Variants in ADAT1 observed in about 807,000 individuals in gnomAD.
ADAT1 encodes the protein adenosine deaminase tRNA specific 1, also known as tRNA-specific adenosine deaminase 1.
ADAT1 carries 58 observed loss-of-function variants against 58.6 expected under a neutral mutation model. That is an observed-to-expected ratio of 0.99 (90% CI 0.80 to 1.23). The LOEUF (loss-of-function observed/expected upper bound fraction) is 1.23, where lower values mean the gene tolerates loss of function less well. Among genes scored for constraint, ADAT1 ranks in the 50% most tolerant of loss-of-function variants. ADAT1 has a pLI of 0.00. For missense variants in ADAT1, 741 were observed against 608.6 expected, an observed-to-expected ratio of 1.22 and a Z score of -2.29; for synonymous variants, 254 against 220.8, an observed-to-expected ratio of 1.15 and a Z score of -1.33.
chr16:75,613,013 A>C, intron 5 of ADAT1, 152 bp from the exon 6 acceptor site: 1 of 966,942 alleles, frequency 1.0e-6, no homozygotes, highest in Non-Finnish European at 1.5e-6. Flanking sequence ...AGAGCCCAGC[A>C]GTGTGTTTTT....
intron 6 of ADAT1, among the ~76,000 whole-genome samples, chr16:75,611,624 C>A (rs1006674707): frequency 6.6e-6 from 1 of 151,992 alleles, no homozygotes; most frequent in Admixed American, 6.6e-5. Context: ...TCAAGCAATC[C>A]GCCCCCCTCG....
intron 9 of ADAT1, among the ~76,000 whole-genome samples, chr16:75,601,100 G>C (rs761611254): frequency 2.0e-5 from 3 of 152,150 alleles, no homozygotes; most frequent in African/African-American, 7.2e-5. Context: ...CAGCACTTTG[G>C]GAGGCCGAAG....
Position 75,615,620 on chromosome 16 carries a change from G to C in ADAT1, c.424+1522C>G, listed in dbSNP as rs34322737. 2.0e-5 allele frequency among the ~76,000 whole-genome samples: 3 copies of C among 150,998 alleles called. No individual in the cohort carries two copies. In the South Asian group the frequency reaches 6.3e-4, roughly 32 times the overall value. On this transcript the variant is annotated intron_variant, in intron 5 of 9. Coordinates refer to ENST00000564657, the MANE Select transcript of ADAT1 (RefSeq NM_001324445.2). ...ATGTAGCCAGGCAGGCCGTGGGTTA[G>C]ACAAGTTTGGATTAGGCCATCAGGC... is the stretch of plus-strand genomic sequence containing the variant.
intron 8 of ADAT1, 81 bp from the exon 9 acceptor site, chr16:75,603,252 G>A (rs915963082): frequency 5.4e-6 from 7 of 1,297,428 alleles, no homozygotes; most frequent in Non-Finnish European, 7.7e-6. Context: ...CAGGCTTCAT[G>A]TGGTTTTTAG....
intron 3 of ADAT1, among the ~76,000 whole-genome samples, chr16:75,619,947 G>A (rs962376754): frequency 4.7e-5 from 7 of 149,054 alleles, no homozygotes; most frequent in Admixed American, 1.3e-4. Flanking sequence ...AGCCACTCAA[G>A]CTGCATCCTC....
intron 1 of ADAT1, among the ~76,000 whole-genome samples, chr16:75,622,072 C>T (rs544119872): frequency 8.5e-5 from 13 of 152,168 alleles, no homozygotes; most frequent in Non-Finnish European, 1.8e-4. Flanking sequence ...ATCGCTTGAA[C>T]CCGGGAGGCG....
Position 75,617,286 on chromosome 16 carries a change from G to T in ADAT1, c.294-14C>A. Reference sequence around the variant, plus strand: ...TGGAGAAGGTACCTAAGGGTTGCAAGATGTTATTAGGATGAACAACCGATC... The same window carrying T: ...TGGAGAAGGTACCTAAGGGTTGCAATATGTTATTAGGATGAACAACCGATC... On this transcript the variant is annotated splice_polypyrimidine_tract_variant and intron_variant, in intron 4 of 9. Transcript: ENST00000564657. 1.2e-6 allele frequency: 2 copies of T among 1,609,344 alleles called. No individual in the cohort carries two copies. The highest frequency in any genetic ancestry group is 1.7e-6 in the Non-Finnish European group (2 of 1,176,146).
intron 8 of ADAT1, among the ~76,000 whole-genome samples, chr16:75,605,260 T>G (rs2081338944): frequency 6.6e-6 from 1 of 151,954 alleles, no homozygotes; most frequent in African/African-American, 2.4e-5. Flanking sequence ...CCAGCTAATT[T>G]TTGTATTTTT....
chr16:75,609,511 A>C (rs1389257553), intron 6 of ADAT1, among the ~76,000 whole-genome samples: 1 of 152,168 alleles, frequency 6.6e-6, no homozygotes, highest in Non-Finnish European at 1.5e-5. Flanking sequence ...TTAAAAAAAA[A>C]CAAAAAACCA....
chr16:75,618,724 C>T, intron 3 of ADAT1, 84 bp from the exon 4 acceptor site: 3 of 1,514,856 alleles, frequency 2.0e-6, no homozygotes, highest in Non-Finnish European at 2.7e-6. Context: ...AGCAGTCCCA[C>T]CAGCACCCAG....
At position 75,616,101 on chromosome 16, in the gene ADAT1, C is replaced by T. The variant is rs866935869; in HGVS notation, c.424+1041G>A. On this transcript the variant is annotated intron_variant, in intron 5 of 9. Coordinates refer to ENST00000564657, the MANE Select transcript of ADAT1 (RefSeq NM_001324445.2). The stretch of plus-strand genomic sequence containing the variant: ...TCGGCTCACTGCAACTTCTGCCTCC[C>T]GGGTTCAAATGATTCTCCTGCCTCA... 8.6e-5 allele frequency among the ~76,000 whole-genome samples: 13 copies of T among 151,960 alleles called. No homozygotes were observed. The South Asian group carries it at 2.3e-3, about 27-fold the overall frequency.
Position 75,622,002 on chromosome 16 carries a change from T to G in ADAT1, c.-22+401A>C, listed in dbSNP as rs1427807399. Among the ~76,000 whole-genome samples, 8 of 152,082 alleles carry G rather than the reference T, an allele frequency of 5.3e-5. No individual in the cohort carries two copies. The South Asian group carries it at 1.7e-3, about 32-fold the overall frequency. On this transcript the variant is annotated intron_variant, in intron 1 of 9. Coordinates refer to ENST00000564657, the MANE Select transcript of ADAT1 (RefSeq NM_001324445.2). ...GTCTCTACTGAAAATACAAAAAAAT[T>G]AGCCGGGCGTGATGGCGCGTGCCTG...
At chr16:75,620,450 TCTGCGGTTC>T in intron 2 of ADAT1, 116 bp from the exon 3 acceptor site, 1 of 1,430,080 alleles carries the variant, frequency 7.0e-7, no homozygotes, top group Non-Finnish European at 9.8e-7. Context: ...TCAACCAAGG[TCTGCGGTTC>T]CAGCATGGCG....
chr16:75,610,003 C>T (rs2081480638), intron 6 of ADAT1, among the ~76,000 whole-genome samples: 1 of 152,228 alleles, frequency 6.6e-6, no homozygotes, highest in East Asian at 1.9e-4. Context: ...AGCACCTAGC[C>T]TGTGGTAACT....
At chr16:75,602,114 G>T (rs1451849172) in intron 9 of ADAT1, 1 of 152,104 alleles carries the variant, frequency 6.6e-6, no homozygotes, top group Non-Finnish European at 1.5e-5. Context: ...ACCATGTAGA[G>T]AATTAGGGCT....
Position 75,600,347 on chromosome 16 carries a change from C to A in ADAT1, c.1378G>T (p.Val460Leu), listed in dbSNP as rs763117593. ...ARDKWPHSLR[V>L]QKLDTYQEYK... ...TCCTGGTAGGTATCCAGCTTCTGCACCCTAATGCACACAGGCCACCAAATA... is the reference window on the plus strand; with the variant it reads ...TCCTGGTAGGTATCCAGCTTCTGCAACCTAATGCACACAGGCCACCAAATA... The change falls in exon 10 of 10, where the codon GTG (valine) becomes TTG (leucine). Residue 460 changes from valine to leucine, a missense_variant and splice_region_variant. Physicochemically the swap from Val to Leu is conservative, Grantham distance 32. Coordinates refer to ENST00000564657, the MANE Select transcript of ADAT1 (RefSeq NM_001324445.2). 3.1e-6 allele frequency: 5 copies of A among 1,613,342 alleles called. No homozygotes were observed. The highest frequency in any genetic ancestry group is 1.3e-5 in the African/African-American group (1 of 74,894).
chr16:75,618,089 C>A (rs1261451965), intron 4 of ADAT1, among the ~76,000 whole-genome samples: 3 of 124,786 alleles, frequency 2.4e-5, no homozygotes, highest in African/African-American at 3.4e-5. Flanking sequence ...CAGAGCAAGA[C>A]CCTGTGTCCA....
At chr16:75,614,691 G>A (rs1335132475) in intron 5 of ADAT1, among the ~76,000 whole-genome samples, 1 of 152,136 alleles carries the variant, frequency 6.6e-6, no homozygotes, top group Non-Finnish European at 1.5e-5. Flanking sequence ...CCTGACTCAT[G>A]CTAATAAAAC....
chr16:75,617,405 C>T, intron 4 of ADAT1, 133 bp from the exon 5 acceptor site: 1 of 947,224 alleles, frequency 1.1e-6, no homozygotes, highest in South Asian at 2.0e-5. Flanking sequence ...TATGAGAATG[C>T]TCTAGACCAG....
Sources: gnomAD v4.1 joint callset for allele counts (sites outside exome capture counted in the v4.1 genomes callset) on GRCh38, gnomAD v4.1.1 for gene constraint, MANE v1.5 for transcripts, NCBI Gene and HGNC (gene_info 2026-07-23, HGNC 2026-07-21) for gene names.